The following TM9SF3 variants were observed in gnomAD, a reference collection of about 807,000 sequenced individuals.
TM9SF3 encodes transmembrane 9 superfamily member 3, also known as SM-11044-binding protein.
A neutral mutation model predicts 78.6 loss-of-function variants in TM9SF3; 14 were observed. The observed-to-expected ratio is 0.18, with a 90% CI of 0.12 to 0.28. The LOEUF (loss-of-function observed/expected upper bound fraction) is 0.28, where lower values mean the gene tolerates loss of function less well. Among genes scored for constraint, TM9SF3 ranks in the 10% least tolerant of loss-of-function variants. The pLI is 1.00. For synonymous variants in TM9SF3, 231 were observed against 241.7 expected (o/e 0.96, Z 0.41); for missense variants, 496 against 721.9 (o/e 0.69, Z 3.59).
At chr10:96,569,142 G>C (rs1350429554) in intron 2 of TM9SF3, among the ~76,000 whole-genome samples, 1 of 152,168 alleles carries the variant, frequency 6.6e-6, no homozygotes, top group African/African-American at 2.4e-5. Context: ...CTGCACTCCA[G>C]CCTGGGTGAC....
chr10:96,563,863 G>A (rs1419291508), intron 3 of TM9SF3, among the ~76,000 whole-genome samples: 3 of 150,996 alleles, frequency 2.0e-5, no homozygotes, highest in African/African-American at 7.3e-5. Flanking sequence ...GATTCTCCAT[G>A]GTTCAGACAT....
intron 2 of TM9SF3, among the ~76,000 whole-genome samples, chr10:96,566,541 A>G (rs1469184647): frequency 6.6e-6 from 1 of 152,230 alleles, no homozygotes; most frequent in Non-Finnish European, 1.5e-5. Flanking sequence ...TTAAAGTCCC[A>G]TGGAAGAATG....
intron 6 of TM9SF3, among the ~76,000 whole-genome samples, chr10:96,551,793 G>C (rs1042555458): frequency 1.3e-5 from 2 of 152,178 alleles, no homozygotes; most frequent in African/African-American, 4.8e-5. Context: ...GTGGAGAAAT[G>C]AAAGAGAAGA....
At chr10:96,552,675 A>T (rs190672021) in intron 6 of TM9SF3, among the ~76,000 whole-genome samples, 29 of 152,326 alleles carry the variant, frequency 1.9e-4, no homozygotes, top group African/African-American at 6.5e-4. Context: ...TTGAACTAAC[A>T]AGAGGTTACA....
At chr10:96,553,496 T>C (rs183640711) in intron 5 of TM9SF3, among the ~76,000 whole-genome samples, 6 of 152,298 alleles carry the variant, frequency 3.9e-5, no homozygotes, top group African/African-American at 1.4e-4. Context: ...ATAATGTATA[T>C]ATAAAGTATG....
chr10:96,586,636 ACCACCGGG>A, intron 1 of TM9SF3, 90 bp downstream of exon 1: 2 of 1,037,512 alleles, frequency 1.9e-6, no homozygotes, highest in Non-Finnish European at 2.4e-6. Flanking sequence ...GCAGTGGGGC[ACCACCGGG>A]CCGCCGGGCA....
At chr10:96,571,306 A>G (rs1480904062) in intron 2 of TM9SF3, among the ~76,000 whole-genome samples, 1 of 152,158 alleles carries the variant, frequency 6.6e-6, no homozygotes, top group African/African-American at 2.4e-5. Context: ...CCCCTCCTCT[A>G]CCCTTCATAC....
chr10:96,553,174 T>A, intron 5 of TM9SF3, 115 bp from the exon 6 acceptor site: 1 of 1,151,572 alleles, frequency 8.7e-7, no homozygotes. Flanking sequence ...TTTAATTAAA[T>A]CCTTTAGACA....
chr10:96,547,348 T>C (rs182292158), intron 8 of TM9SF3, among the ~76,000 whole-genome samples: 2 of 152,268 alleles, frequency 1.3e-5, no homozygotes, highest in Non-Finnish European at 2.9e-5. Context: ...AAGCAAATAG[T>C]ATCAATAACT....
At chr10:96,579,589 G>A (rs1386668500) in intron 1 of TM9SF3, among the ~76,000 whole-genome samples, 1 of 152,192 alleles carries the variant, frequency 6.6e-6, no homozygotes, top group African/African-American at 2.4e-5. Flanking sequence ...TGGTAGAGTT[G>A]TGATGTGATG....
chr10:96,544,047 A>C, intron 9 of TM9SF3, 29 bp downstream of exon 9: 1 of 1,590,348 alleles, frequency 6.3e-7, no homozygotes, highest in Non-Finnish European at 8.5e-7. Context: ...ATACTTTTTC[A>C]GTTTAAAAGT....
intron 6 of TM9SF3, 34 bp from the exon 7 acceptor site, chr10:96,551,445 C>A: frequency 2.8e-6 from 4 of 1,420,686 alleles, no homozygotes; most frequent in South Asian, 1.6e-5. Flanking sequence ...GAGAGAAAAG[C>A]AAATCATTCA....
chr10:96,542,199 A>C (rs546281685), intron 9 of TM9SF3, among the ~76,000 whole-genome samples: 1 of 152,222 alleles, frequency 6.6e-6, no homozygotes, highest in Non-Finnish European at 1.5e-5. Flanking sequence ...TTCATGTTCT[A>C]AACAAGTTTT....
At chr10:96,535,766 C>T (rs953054731) in intron 9 of TM9SF3, among the ~76,000 whole-genome samples, 38 of 152,032 alleles carry the variant, frequency 2.5e-4, no homozygotes, top group Non-Finnish European at 4.1e-4. Context: ...TCAAGTACTG[C>T]CTATTGGTGC....
At chr10:96,523,232 G>A (rs565324993) in intron 14 of TM9SF3, among the ~76,000 whole-genome samples, 165 of 151,958 alleles carry the variant, frequency 1.1e-3, no homozygotes, top group Middle Eastern at 0.01. Context: ...TTGGCCTCAG[G>A]AATTTATGAT....
chr10:96,567,665 T>C (rs1413540587), intron 2 of TM9SF3, among the ~76,000 whole-genome samples: 2 of 152,202 alleles, frequency 1.3e-5, no homozygotes, highest in African/African-American at 2.4e-5. Context: ...TTATGGCATG[T>C]AGGCCTGTAC....
At chr10:96,554,899 C>T (rs117357897) in intron 5 of TM9SF3, among the ~76,000 whole-genome samples, 274 of 152,294 alleles carry the variant, frequency 1.8e-3, no homozygotes, top group Non-Finnish European at 3.3e-3. Context: ...GCTCTTCCTT[C>T]TCCTTAATTC....
chr10:96,547,452 C>T (rs561982258), intron 8 of TM9SF3, among the ~76,000 whole-genome samples: 224 of 152,148 alleles, frequency 1.5e-3, no homozygotes, highest in African/African-American at 5.2e-3. Flanking sequence ...AAATAAAACG[C>T]GAGAATTCCA....
chr10:96,560,653 T>TTGC (rs1848295588), intron 4 of TM9SF3: 1 of 623,846 alleles, frequency 1.6e-6, no homozygotes, highest in African/African-American at 1.8e-5. Context: ...AAAGTAAAAC[T>TTGC]TGCTGCTGAT....
Sources: gnomAD v4.1 joint callset for allele counts (sites outside exome capture counted in the v4.1 genomes callset) on GRCh38, gnomAD v4.1.1 for gene constraint, MANE v1.5 for transcripts, NCBI Gene and HGNC (gene_info 2026-07-23, HGNC 2026-07-21) for gene names.